Variants in KLHL1 observed in about 807,000 individuals in gnomAD.
The protein encoded by KLHL1 is kelch like family member 1.
In KLHL1, 47 loss-of-function variants were observed where a neutral mutation model predicts 77.7. The observed-to-expected ratio is 0.60, with a 90% CI of 0.48 to 0.77. The LOEUF (loss-of-function observed/expected upper bound fraction) is 0.77, where lower values mean the gene tolerates loss of function less well. Ranked by LOEUF, KLHL1 falls within the 30% of genes least tolerant of loss-of-function variation. KLHL1 has a pLI of 0.00. For missense variants in KLHL1, 925 were observed against 910.8 expected (o/e 1.02, Z -0.20); for synonymous variants, 360 against 325.2 (o/e 1.11, Z -1.15).
At chr13:70,064,912 ATTTC>A (rs747093088) in intron 1 of KLHL1, among the ~76,000 whole-genome samples, 117 of 152,252 alleles carry the variant, frequency 7.7e-4, no homozygotes, top group Non-Finnish European at 1.4e-3. Flanking sequence ...CTTACATTTT[ATTTC>A]TATCATCTAT....
At chr13:69,967,123 C>A (rs1454492661) in intron 2 of KLHL1, among the ~76,000 whole-genome samples, 1 of 152,130 alleles carries the variant, frequency 6.6e-6, no homozygotes, top group Non-Finnish European at 1.5e-5. Context: ...GACAGACACT[C>A]AGTAGCTGGA....
intron 5 of KLHL1, among the ~76,000 whole-genome samples, chr13:69,844,180 T>A (rs745829953): frequency 9.2e-5 from 14 of 151,458 alleles, no homozygotes; most frequent in Non-Finnish European, 1.8e-4. Flanking sequence ...AAATACAATG[T>A]TCAATGCCCA....
chr13:69,909,485 G>A (rs1416209575), intron 4 of KLHL1, among the ~76,000 whole-genome samples: 1 of 151,746 alleles, frequency 6.6e-6, no homozygotes, highest in Non-Finnish European at 1.5e-5. Context: ...TCATTATTGA[G>A]CAATCCAAAG....
chr13:69,996,731 T>C (rs1163624313), intron 1 of KLHL1, among the ~76,000 whole-genome samples: 1 of 151,978 alleles, frequency 6.6e-6, no homozygotes, highest in African/African-American at 2.4e-5. Context: ...ATATGTGATA[T>C]TGCGATTATT....
At chr13:70,036,734 T>A (rs1260567874) in intron 1 of KLHL1, among the ~76,000 whole-genome samples, 1 of 151,834 alleles carries the variant, frequency 6.6e-6, no homozygotes, top group East Asian at 1.9e-4. Flanking sequence ...TTGTGTTCAT[T>A]TCTCTCATTA....
Position 69,791,222 on chromosome 13 carries a change from A to G in KLHL1, c.1639+5516T>C, listed in dbSNP as rs867302881. ...AAAATGAGATGAAGAAAACAATCACATTGATAATAATATCAAAAATAAATT... is the reference window on the plus strand; with the variant it reads ...AAAATGAGATGAAGAAAACAATCACGTTGATAATAATATCAAAAATAAATT... On this transcript the variant is annotated intron_variant, in intron 7 of 10. Coordinates refer to ENST00000377844, the MANE Select transcript of KLHL1 (RefSeq NM_020866.3). Among the ~76,000 whole-genome samples the G allele has an allele frequency of 2.0e-5, 3 of 152,228 alleles. No homozygotes were observed. The South Asian group carries it at 6.2e-4, about 32-fold the overall frequency.
chr13:70,020,905 G>A (rs540970963), intron 1 of KLHL1, among the ~76,000 whole-genome samples: 35 of 151,974 alleles, frequency 2.3e-4, no homozygotes, highest in Middle Eastern at 3.4e-3. Flanking sequence ...GCAATACAAA[G>A]CTGAGTAGAA....
chr13:70,107,621 G>A lies in KLHL1; in HGVS notation c.79C>T (p.Pro27Ser), dbSNP rs1339261011. Residue 27 changes from proline to serine, a missense_variant, in exon 1 of 11, where the codon CCT becomes TCT. Coordinates refer to ENST00000377844, the MANE Select transcript of KLHL1 (RefSeq NM_020866.3). ...CCCCCCGCCGGGCCGCCGGTGGAAG[G>A]AGACGGGTGGCTGAAGAGTTTCCAG... ...LRWKLFSHPS[P>S]STGGPAGGGC... 12 of 1,579,806 alleles carry A rather than the reference G, an allele frequency of 7.6e-6. No homozygotes were observed. Among genetic ancestry groups the A allele is most frequent in the Non-Finnish European group, 1.0e-5 (12 of 1,165,100 alleles).
chr13:69,815,724 C>T (rs545041088), intron 6 of KLHL1, among the ~76,000 whole-genome samples: 1 of 151,826 alleles, frequency 6.6e-6, no homozygotes, highest in Admixed American at 6.6e-5. Flanking sequence ...TTAAAAAAGC[C>T]GTAAATGAAC....
In KLHL1 at chr13:69,939,643, G is replaced by A. The variant is rs566604281; in HGVS notation, c.1014+397C>T. The stretch of plus-strand genomic sequence containing the variant: ...TGTATATCTGTATTGCCTGTTAAGT[G>A]TGCATAAAGCCATAAAGAAGCTTCC... On this transcript the variant is annotated intron_variant, in intron 4 of 10. Transcript: ENST00000377844. Among the ~76,000 whole-genome samples, 26 of 151,940 alleles carry A rather than the reference G, an allele frequency of 1.7e-4. No homozygotes were observed. The South Asian group carries it at 4.4e-3, about 25-fold the overall frequency.
At chr13:70,023,522 CA>C (rs1380940221) in intron 1 of KLHL1, among the ~76,000 whole-genome samples, 1 of 151,914 alleles carries the variant, frequency 6.6e-6, no homozygotes, top group African/African-American at 2.4e-5. Flanking sequence ...CTAACTGCCA[CA>C]AAATATTTTA....
chr13:69,719,797 A>T (rs1872959193), intron 8 of KLHL1, among the ~76,000 whole-genome samples: 1 of 152,010 alleles, frequency 6.6e-6, no homozygotes, highest in African/African-American at 2.4e-5. Context: ...AGATGAAATT[A>T]AGACAACTAT....
intron 5 of KLHL1, among the ~76,000 whole-genome samples, chr13:69,878,736 TGAGA>T (rs927201840): frequency 5.4e-5 from 7 of 130,310 alleles, no homozygotes; most frequent in African/African-American, 1.7e-4. Flanking sequence ...AGAGAGAGAG[TGAGA>T]GAGAGAAAGA....
chr13:69,716,641 G>A (rs1876131395), intron 9 of KLHL1, among the ~76,000 whole-genome samples: 2 of 152,040 alleles, frequency 1.3e-5, no homozygotes, highest in South Asian at 2.1e-4. Context: ...CAGATGTGAG[G>A]GCAAAGGTGG....
chr13:69,746,598 CAGTTT>C (rs1380991131), intron 7 of KLHL1, among the ~76,000 whole-genome samples: 1 of 151,758 alleles, frequency 6.6e-6, no homozygotes, highest in East Asian at 1.9e-4. Flanking sequence ...CTTGTTTAAT[CAGTTT>C]TTTTTCTCAT....
chr13:69,877,896 G>T lies in KLHL1; in HGVS notation c.1227+4387C>A, dbSNP rs7993817. On this transcript the variant is annotated intron_variant, in intron 5 of 10. Coordinates refer to ENST00000377844, the MANE Select transcript of KLHL1 (RefSeq NM_020866.3). ...AATGTGCTAATTTATAATTAATAAAGAATATCTGATTTTCTCTGTGTACTT... is the reference window on the plus strand; with the variant it reads ...AATGTGCTAATTTATAATTAATAAATAATATCTGATTTTCTCTGTGTACTT... 4.5e-3 allele frequency among the ~76,000 whole-genome samples: 688 copies of T among 152,056 alleles called. 7 individuals carry two copies. Among genetic ancestry groups the T allele is most frequent in the African/African-American group, 0.016 (648 of 41,478 alleles).
chr13:69,789,041 ATCTATCTATCTATCT>A (rs1876722092), intron 7 of KLHL1, among the ~76,000 whole-genome samples: 2 of 64,606 alleles, frequency 3.1e-5, no homozygotes, highest in South Asian at 5.1e-4. Context: ...CTATCTATCT[ATCTATCTATCTATCT>A]ATCTATCTAC....
At chr13:69,908,188 T>A (rs905231292) in intron 4 of KLHL1, among the ~76,000 whole-genome samples, 1 of 151,294 alleles carries the variant, frequency 6.6e-6, no homozygotes, top group Non-Finnish European at 1.5e-5. Flanking sequence ...ACCAGCAGAG[T>A]ATAGATTTGT....
chr13:69,940,260 T>C (rs781049052), intron 3 of KLHL1, 24 bp from the exon 4 acceptor site: 5 of 1,553,288 alleles, frequency 3.2e-6, no homozygotes, highest in Middle Eastern at 2.2e-4. Flanking sequence ...AAGATAATTA[T>C]GAAACTCTTT....
Sources: allele counts gnomAD v4.1 joint callset (sites outside exome capture counted in the v4.1 genomes callset), GRCh38; gene constraint gnomAD v4.1.1; transcripts MANE v1.5; gene names NCBI Gene and HGNC (gene_info 2026-07-23, HGNC 2026-07-21).